The following PAX2 variants were observed in gnomAD, a reference collection of about 807,000 sequenced individuals.
PAX2 encodes paired box protein Pax-2.
Under a neutral mutation model 41.7 loss-of-function variants are expected in PAX2, and 9 were observed. That is an observed-to-expected ratio of 0.22 (90% CI 0.13 to 0.38). The LOEUF (loss-of-function observed/expected upper bound fraction) is 0.38. PAX2 is among the 10% of genes least tolerant of loss of function. PAX2 has a pLI of 1.00. For synonymous variants in PAX2, 221 were observed against 212.7 expected (o/e 1.04, Z -0.34); for missense variants, 418 against 531.6 (o/e 0.79, Z 2.10).
chr10:100,752,285 C>T (rs1845470656), intron 3 of PAX2, among the ~76,000 whole-genome samples: 2 of 152,212 alleles, frequency 1.3e-5, no homozygotes, highest in Non-Finnish European at 2.9e-5. Context: ...CCTGGCTCAG[C>T]CAGGTATTGA....
In PAX2 at chr10:100,789,509, A is replaced by G. The variant is rs150256897; in HGVS notation, c.616+8144A>G. ...GCACATCACAGACTCTCCCCTCCCT[A>G]GGAGACAGGCCCTATGAAAGTCCAG... On this transcript the variant is annotated intron_variant, in intron 5 of 9. Coordinates refer to ENST00000355243, the MANE Select transcript of PAX2 (RefSeq NM_000278.5). Among the ~76,000 whole-genome samples, 773 of 152,308 alleles carry G rather than the reference A, an allele frequency of 5.1e-3. 11 individuals are homozygous for G. Among genetic ancestry groups the G allele is most frequent in the African/African-American group, 0.018 (740 of 41,554 alleles).
chr10:100,809,048 C>T, intron 6 of PAX2, 62 bp from the exon 7 acceptor site: 1 of 1,547,792 alleles, frequency 6.5e-7, no homozygotes. Context: ...CCCATCTGCA[C>T]ACCGAGCCCT....
chr10:100,762,665 G>A (rs1222167505), intron 3 of PAX2, among the ~76,000 whole-genome samples: 1 of 152,100 alleles, frequency 6.6e-6, no homozygotes, highest in Non-Finnish European at 1.5e-5. Context: ...GTTGTAAATA[G>A]CATTAAAAAG....
At chr10:100,806,681 A>T in intron 6 of PAX2, 76 bp downstream of exon 6, 2 of 1,234,876 alleles carry the variant, frequency 1.6e-6, no homozygotes, top group Admixed American at 3.4e-5. Context: ...TTGTTCACTA[A>T]ACACCACATG....
intron 5 of PAX2, among the ~76,000 whole-genome samples, chr10:100,806,061 C>A (rs1847769808): frequency 1.3e-5 from 2 of 152,314 alleles, no homozygotes; most frequent in Middle Eastern, 6.8e-3. Context: ...AGACACCCAG[C>A]TTCTTTCTTC....
At chr10:100,825,952 G>C (rs1356075597) in intron 8 of PAX2, among the ~76,000 whole-genome samples, 3 of 146,108 alleles carry the variant, frequency 2.1e-5, no homozygotes, top group Admixed American at 1.4e-4. Context: ...TGGGGTGAGG[G>C]AAGAGTGGGG....
upstream of PAX2, among the ~76,000 whole-genome samples, chr10:100,741,369 T>C (rs1589800068): frequency 7.1e-6 from 1 of 141,664 alleles, no homozygotes; most frequent in African/African-American, 2.7e-5. Flanking sequence ...GAGTGTGAAA[T>C]TGCAGCCCAT....
chr10:100,761,032 A>C (rs903312246), intron 3 of PAX2, among the ~76,000 whole-genome samples: 5 of 152,102 alleles, frequency 3.3e-5, no homozygotes, highest in African/African-American at 1.2e-4. Context: ...TGGAAGGGAA[A>C]ACCTAGCAGA....
intron 5 of PAX2, among the ~76,000 whole-genome samples, chr10:100,803,207 A>C (rs879304449): frequency 6.6e-6 from 1 of 151,958 alleles, no homozygotes; most frequent in Non-Finnish European, 1.5e-5. Flanking sequence ...AGCTGGTTTT[A>C]TTCCTGCAGT....
chr10:100,805,666 C>G (rs1226755635), intron 5 of PAX2, among the ~76,000 whole-genome samples: 1 of 152,176 alleles, frequency 6.6e-6, no homozygotes, highest in African/African-American at 2.4e-5. Flanking sequence ...GCAGGAGGAA[C>G]CAGGTGACCA....
At chr10:100,788,946 C>A (rs1184879195) in intron 5 of PAX2, among the ~76,000 whole-genome samples, 1 of 151,964 alleles carries the variant, frequency 6.6e-6, no homozygotes, top group African/African-American at 2.4e-5. Flanking sequence ...CTAGAGAAGA[C>A]GGGGAGAAGG....
intron 6 of PAX2, among the ~76,000 whole-genome samples, chr10:100,807,535 G>A (rs1025146203): frequency 1.5e-4 from 23 of 150,988 alleles, no homozygotes; most frequent in African/African-American, 5.4e-4. Flanking sequence ...ACACACCACC[G>A]CCCACCTGCT....
At chr10:100,758,391 C>G (rs184381524) in intron 3 of PAX2, among the ~76,000 whole-genome samples, 1 of 152,052 alleles carries the variant, frequency 6.6e-6, no homozygotes, top group Non-Finnish European at 1.5e-5. Context: ...CCGCCCGCCT[C>G]GGCCTCCCAG....
In PAX2 at chr10:100,827,897, C is replaced by T. The variant is rs1489486372; in HGVS notation, c.*278C>T. On this transcript the variant is annotated 3_prime_UTR_variant, in exon 10 of 10. Coordinates refer to ENST00000355243, the MANE Select transcript of PAX2 (RefSeq NM_000278.5). This position sits in a 1 kb window ranked among gnomAD's most constrained non-coding sequence, Gnocchi z 8.5. ...CCCGCCTGCCTGGACTGCGCGGCGC[C>T]GTGAGGGGGATTCGGCCCAGCTCGT... is the stretch of plus-strand genomic sequence containing the variant. The T allele has an allele frequency of 1.0e-5, 5 of 476,856 alleles. No individual in the cohort carries two copies. The highest frequency in any genetic ancestry group is 1.9e-5 in the Non-Finnish European group (5 of 269,800). The allele number at this position is 476,856 out of a possible 1,614,324, so 29.5% of individuals were successfully genotyped here.
rs781254814 is a variant in PAX2 at position 100,781,365 on chromosome 10, G to T, written c.616G>T (p.Asp206Tyr). The stretch of plus-strand genomic sequence containing the variant: ...TGGTGAGAAGAGGAAACGTGATGAA[G>T]GTAGGGAGGAGGGAAGAGGTGTGGC... ...SNGEKRKRDE[D>Y]VSEGSVPNGD... The change falls in exon 5 of 10, where the codon GAT becomes TAT. Residue 206 changes from aspartate to tyrosine, a missense_variant and splice_region_variant. By Grantham distance (160) the Asp-to-Tyr change is radical. Coordinates refer to ENST00000355243, the MANE Select transcript of PAX2 (RefSeq NM_000278.5). The T allele has an allele frequency of 6.2e-7, 1 of 1,614,138 alleles. No individual in the cohort carries two copies. The highest frequency in any genetic ancestry group is 8.5e-7 in the Non-Finnish European group (1 of 1,179,978).
intron 5 of PAX2, among the ~76,000 whole-genome samples, chr10:100,805,564 G>A (rs548348161): frequency 7.9e-5 from 12 of 152,194 alleles, no homozygotes; most frequent in Non-Finnish European, 1.2e-4. Context: ...GGCTGAGAAC[G>A]CCTGAGGAAA....
chr10:100,795,849 G>C (rs937301198), intron 5 of PAX2, among the ~76,000 whole-genome samples: 10 of 152,250 alleles, frequency 6.6e-5, no homozygotes, highest in African/African-American at 2.4e-4. Flanking sequence ...CCCTCCTACT[G>C]GGCTCAGTTT....
At position 100,828,398 on chromosome 10, in the gene PAX2, C is replaced by A. The variant is rs1848662309; in HGVS notation, c.*779C>A. 4.3e-6 allele frequency: 1 copy of A among 233,830 alleles called. No individual in the cohort carries two copies. Among genetic ancestry groups the A allele is most frequent in the East Asian group, 6.0e-5 (1 of 16,600 alleles). The allele number at this position is 233,830 out of a possible 1,614,324, so 14.5% of individuals were successfully genotyped here. A position where few individuals can be genotyped will look rare whatever the true frequency, so the allele number is the denominator to read the frequency against. On this transcript the variant is annotated 3_prime_UTR_variant, in exon 10 of 10. Transcript: ENST00000355243. This position sits in a 1 kb window ranked among gnomAD's most constrained non-coding sequence, Gnocchi z 6.5. ...GCCTGCCTAGTTCCCCAGGGCCCGG[C>A]ACCTCCTGCTGCGAGACCCGGCTCT...
chr10:100,817,403 C>T (rs1473612390), intron 7 of PAX2, among the ~76,000 whole-genome samples: 1 of 152,228 alleles, frequency 6.6e-6, no homozygotes, highest in Non-Finnish European at 1.5e-5. Context: ...GCTGCATTTC[C>T]ATCCATGGTC....
Sources: allele counts gnomAD v4.1 joint callset (sites outside exome capture counted in the v4.1 genomes callset), GRCh38; gene constraint gnomAD v4.1.1; non-coding constraint Gnocchi (gnomAD v3.1); transcripts MANE v1.5; gene names NCBI Gene and HGNC (gene_info 2026-07-23, HGNC 2026-07-21).